Variants in IL1RAPL1 observed in about 807,000 individuals in gnomAD.
IL1RAPL1 encodes interleukin-1 receptor accessory protein-like 1.
In IL1RAPL1, 3 loss-of-function variants were observed where a neutral mutation model predicts 48.4. That is an observed-to-expected ratio of 0.06 (90% confidence interval 0.03 to 0.16). IL1RAPL1 has a LOEUF of 0.16. IL1RAPL1 is among the 10% of genes least tolerant of loss of function. The probability of loss-of-function intolerance (pLI) is 1.00; values close to 1 mark genes in which losing one functional copy is unlikely to be tolerated. For synonymous variants in IL1RAPL1, 185 were observed against 187.7 expected (o/e 0.99, Z 0.12); for missense variants, 349 against 530.6 (o/e 0.66, Z 3.36).
intron 2 of IL1RAPL1, among the ~76,000 whole-genome samples, chrX:28,848,507 A>G (rs1217435191): frequency 9.1e-6 from 1 of 109,587 alleles, no homozygotes; most frequent in Non-Finnish European, 1.9e-5. Context: ...CTTTGTTTTT[A>G]ATTTGGGTTT....
intron 2 of IL1RAPL1, among the ~76,000 whole-genome samples, chrX:29,046,032 T>TC (rs1926962717): frequency 5.8e-5 from 5 of 85,985 alleles, no homozygotes; most frequent in Non-Finnish European, 1.1e-4. Flanking sequence ...TTCCTCTTCT[T>TC]CTCCTCCTCC....
At chrX:29,600,304 G>A (rs749528890) in intron 5 of IL1RAPL1, among the ~76,000 whole-genome samples, 2 of 111,823 alleles carry the variant, frequency 1.8e-5, no homozygotes, top group Non-Finnish European at 3.8e-5. Flanking sequence ...TCTGGGTCTA[G>A]CCACCCAATG....
At chrX:28,836,336 TTATATATATA>T (rs34343530) in intron 2 of IL1RAPL1, among the ~76,000 whole-genome samples, 1 of 85,331 alleles carries the variant, frequency 1.2e-5, no homozygotes, top group African/African-American at 4.7e-5. Flanking sequence ...CTTCCCAATT[TTATATATATA>T]TATATATATA....
chrX:29,410,330 G>A (rs1222045285), intron 5 of IL1RAPL1, among the ~76,000 whole-genome samples: 2 of 109,030 alleles, frequency 1.8e-5, no homozygotes, highest in Non-Finnish European at 3.8e-5. Context: ...GTGTGGTGGT[G>A]CGTGCCTGTA....
intron 1 of IL1RAPL1, among the ~76,000 whole-genome samples, chrX:28,730,770 T>C (rs188145776): frequency 1.7e-3 from 194 of 112,132 alleles, no homozygotes; most frequent in African/African-American, 5.8e-3. Context: ...TTTTAACATA[T>C]ATATGGACTT....
At chrX:28,669,706 ATATAATTATATCATTTATAATATAATT>A (rs1157791322) in intron 1 of IL1RAPL1, among the ~76,000 whole-genome samples, 1 of 104,583 alleles carries the variant, frequency 9.6e-6, no homozygotes, top group African/African-American at 3.4e-5. Context: ...TATAAATTAT[ATATAATTATATCATTTATAATATAATT>A]TATAATTATA....
chrX:29,119,258 C>G (rs901210090), intron 2 of IL1RAPL1, among the ~76,000 whole-genome samples: 1 of 110,869 alleles, frequency 9.0e-6, no homozygotes, highest in Non-Finnish European at 1.9e-5. Context: ...TTATTTTATT[C>G]TATATTCTAT....
intron 2 of IL1RAPL1, among the ~76,000 whole-genome samples, chrX:29,084,008 AG>A (rs1189272031): frequency 9.0e-6 from 1 of 111,157 alleles, no homozygotes; most frequent in African/African-American, 3.3e-5. Context: ...AAGCCACCAA[AG>A]GGAGCCTTCT....
At chrX:29,104,512 G>C (rs1360462795) in intron 2 of IL1RAPL1, among the ~76,000 whole-genome samples, 1 of 110,247 alleles carries the variant, frequency 9.1e-6, no homozygotes, top group Admixed American at 9.8e-5. Context: ...GTGGTTAATG[G>C]GTACAAAATT....
intron 6 of IL1RAPL1, among the ~76,000 whole-genome samples, chrX:29,680,159 T>A (rs927753409): frequency 9.0e-6 from 1 of 111,234 alleles, no homozygotes; most frequent in Non-Finnish European, 1.9e-5. Context: ...AAGTGACAAA[T>A]CACTTAAAAG....
chrX:28,730,760 T>C (rs986941837), intron 1 of IL1RAPL1, among the ~76,000 whole-genome samples: 1 of 111,887 alleles, frequency 8.9e-6, no homozygotes, highest in Admixed American at 9.6e-5. Context: ...AGACCTGATG[T>C]TTTAACATAT....
At chrX:28,652,271 C>T (rs1036748911) in intron 1 of IL1RAPL1, among the ~76,000 whole-genome samples, 2 of 110,876 alleles carry the variant, frequency 1.8e-5, no homozygotes, top group African/African-American at 6.6e-5. Flanking sequence ...AAAATCCTCG[C>T]GGATAGGAGC....
chrX:28,951,412 G>GT (rs1449424992), intron 2 of IL1RAPL1, among the ~76,000 whole-genome samples: 10 of 49,639 alleles, frequency 2.0e-4, no homozygotes, highest in Non-Finnish European at 3.4e-4. Flanking sequence ...ATGATAAATG[G>GT]TAAAAAAAAA....
intron 2 of IL1RAPL1, among the ~76,000 whole-genome samples, chrX:29,193,504 C>T (rs1930389056): frequency 9.1e-6 from 1 of 110,258 alleles, no homozygotes; most frequent in South Asian, 3.8e-4. Context: ...AAAAATGTAC[C>T]CTATTTCTCC....
intron 1 of IL1RAPL1, among the ~76,000 whole-genome samples, chrX:28,770,168 G>A (rs1182822469): frequency 8.9e-6 from 1 of 112,183 alleles, no homozygotes; most frequent in Non-Finnish European, 1.9e-5. Context: ...GAGTGAAAAT[G>A]TTTAGTCAAC....
chrX:29,801,008 A>C (rs56080035), intron 6 of IL1RAPL1, among the ~76,000 whole-genome samples: 1 of 44,171 alleles, frequency 2.3e-5, no homozygotes, highest in Non-Finnish European at 4.0e-5. Flanking sequence ...CTCAAAAAAA[A>C]AAAAAAAAAA....
intron 2 of IL1RAPL1, among the ~76,000 whole-genome samples, chrX:29,146,737 A>G (rs1017241450): frequency 6.2e-5 from 7 of 112,151 alleles, no homozygotes; most frequent in Non-Finnish European, 1.1e-4. Flanking sequence ...AGTAGGCATG[A>G]AAACAAGTAT....
At chrX:28,596,859 T>C (rs1443607213) in intron 1 of IL1RAPL1, among the ~76,000 whole-genome samples, 1 of 111,551 alleles carries the variant, frequency 9.0e-6, no homozygotes, top group Non-Finnish European at 1.9e-5. Flanking sequence ...CCACCTGTTA[T>C]TATAATTCAA....
At chrX:29,881,138 A>T (rs1312150045) in intron 6 of IL1RAPL1, among the ~76,000 whole-genome samples, 1 of 110,489 alleles carries the variant, frequency 9.1e-6, no homozygotes, top group East Asian at 2.8e-4. Context: ...TATGACCTGG[A>T]GTGTTTCTTG....
Sources: gnomAD v4.1 joint callset for allele counts (sites outside exome capture counted in the v4.1 genomes callset) on GRCh38, gnomAD v4.1.1 for gene constraint, MANE v1.5 for transcripts, NCBI Gene and HGNC (gene_info 2026-07-23, HGNC 2026-07-21) for gene names.